Variants in KIF1A observed in about 807,000 individuals in gnomAD.
KIF1A encodes the protein kinesin family member 1A.
In KIF1A, 46 loss-of-function variants were observed where a neutral mutation model predicts 227.3. The observed-to-expected ratio is 0.20, with a 90% confidence interval of 0.16 to 0.26. The LOEUF is 0.26. Ranked by LOEUF, KIF1A falls within the 10% of genes least tolerant of loss-of-function variation. The probability of loss-of-function intolerance (pLI) is 1.00; values close to 1 mark genes in which losing one functional copy is unlikely to be tolerated. For synonymous variants in KIF1A, 1,022 were observed against 1,012.8 expected (o/e 1.01, Z -0.17); for missense variants, 1,683 against 2,485.9 (o/e 0.68, Z 6.87).
intron 45 of KIF1A, 79 bp downstream of exon 45, chr2:240,720,835 C>G: frequency 1.4e-6 from 2 of 1,464,694 alleles, no homozygotes; most frequent in South Asian, 2.8e-5. Flanking sequence ...GTTCTGTGCT[C>G]TCTGTGCCCG....
At chr2:240,797,514 C>T (rs2056534056) in intron 2 of KIF1A, 133 bp downstream of exon 2, 4 of 647,740 alleles carry the variant, frequency 6.2e-6, no homozygotes, top group Non-Finnish European at 1.1e-5. Context: ...CCCAGGACAC[C>T]CACACGCCAC....
chr2:240,802,115 C>G (rs1215608043), intron 1 of KIF1A, among the ~76,000 whole-genome samples: 1 of 140,606 alleles, frequency 7.1e-6, no homozygotes, highest in South Asian at 2.2e-4. Flanking sequence ...AAAAAAAAAG[C>G]ATGTAACCTT....
intron 7 of KIF1A, among the ~76,000 whole-genome samples, chr2:240,784,276 G>A (rs138665225): frequency 2.0e-5 from 3 of 152,268 alleles, no homozygotes; most frequent in East Asian, 3.9e-4. Flanking sequence ...CCCAACAGGG[G>A]CACCCGCAGT....
At chr2:240,737,284 G>A (rs553410679) in intron 37 of KIF1A, 116 bp from the exon 38 acceptor site, 96 of 795,032 alleles carry the variant, frequency 1.2e-4, no homozygotes, top group East Asian at 1.0e-3. Context: ...TCACTAGAGC[G>A]TCTGTCAAAG....
Position 240,757,480 on chromosome 2 carries a change from C to T in KIF1A, c.2697G>A (p.Glu899=), listed in dbSNP as rs2049996748. The T allele has an allele frequency of 3.2e-6, 5 of 1,550,476 alleles. No homozygotes were observed. The highest frequency in any genetic ancestry group is 4.4e-6 in the Non-Finnish European group (5 of 1,146,990). ...TFSSPDSDAT[E]PAEEQSVGEE... ...CCCCCACGCTCTGCTCCTCGGCAGG[C>T]TCGGTGGCGTCGGAGTCGGGGCTCG... is the stretch of plus-strand genomic sequence containing the variant. Residue 899 remains glutamate (E), a synonymous_variant, in exon 27 of 49, where the codon GAG becomes GAA. Coordinates refer to ENST00000498729, the MANE Select transcript of KIF1A (RefSeq NM_001244008.2). This position sits in a 1 kb window ranked among gnomAD's most constrained non-coding sequence, Gnocchi z 6.2.
At position 240,790,136 on chromosome 2, in the gene KIF1A, G is replaced by A. The variant is rs2126103904; in HGVS notation, c.107-824C>T. Among the ~76,000 whole-genome samples the A allele has an allele frequency of 6.6e-6, 1 of 152,232 alleles. No homozygotes were observed. Among genetic ancestry groups the A allele is most frequent in the East Asian group, 1.9e-4 (1 of 5,140 alleles). On this transcript the variant is annotated intron_variant, in intron 2 of 48. Coordinates refer to ENST00000498729, the MANE Select transcript of KIF1A (RefSeq NM_001244008.2). This position sits in a 1 kb window ranked among gnomAD's most constrained non-coding sequence, Gnocchi z 5.0. ...ATTTCCCAGGCCCTGGACGGGCCTG[G>A]ACCCTGCAGACTGCATGTCCTCAGT...
At chr2:240,755,530 G>A (rs868599871) in intron 27 of KIF1A, among the ~76,000 whole-genome samples, 2 of 152,302 alleles carry the variant, frequency 1.3e-5, no homozygotes, top group South Asian at 2.1e-4. Context: ...GCCTTCCCAG[G>A]GCCGGGCCTG....
Position 240,785,097 on chromosome 2 carries a change from G to A in KIF1A, c.612C>T (p.Thr204=), listed in dbSNP as rs779712561. The part of the protein sequence containing the change: ...DLMDSGNKAR[T]VAATNMNETS... ...TCTCATTCATGTTGGTGGCCGCCAC[G>A]GTCCTGAGGAGCAGAAAGCCACGCA... The change falls in exon 7 of 49, where the codon ACC becomes ACT. Residue 204 remains threonine (T), a synonymous_variant. Coordinates refer to ENST00000498729, the MANE Select transcript of KIF1A (RefSeq NM_001244008.2). 12 of 1,611,992 alleles carry A rather than the reference G, an allele frequency of 7.4e-6. No individual in the cohort carries two copies. The African/African-American group carries it at 8.0e-5, about 11-fold the overall frequency.
rs1380876497 is a variant in KIF1A, at chr2:240,740,163, G to A, written c.3817-21C>T. 1.3e-6 allele frequency: 2 copies of A among 1,587,038 alleles called. No homozygotes were observed. Among genetic ancestry groups the A allele is most frequent in the African/African-American group, 1.3e-5 (1 of 74,416 alleles). ...ATGCCCTGCCGGTGCCAGGTGAGAG[G>A]ATATGGTCAGACGGCTCAGGGGGCT... is the stretch of plus-strand genomic sequence containing the variant. On this transcript the variant is annotated intron_variant, in intron 36 of 48. Transcript: ENST00000498729. This position sits in a 1 kb window ranked among gnomAD's most constrained non-coding sequence, Gnocchi z 6.1.
At chr2:240,798,053 A>G (rs751448657) in intron 1 of KIF1A, 1 of 291,360 alleles carries the variant, frequency 3.4e-6, no homozygotes, top group Non-Finnish European at 6.4e-6. Flanking sequence ...AACAAAAGAA[A>G]CAGAAACACA....
chr2:240,781,469 A>T (rs1575620965), intron 10 of KIF1A, among the ~76,000 whole-genome samples: 2 of 115,070 alleles, frequency 1.7e-5, no homozygotes, highest in Admixed American at 1.6e-4. Flanking sequence ...AGCTCCACAC[A>T]CACACACACA....
chr2:240,761,969 G>C (rs969502064), intron 23 of KIF1A, among the ~76,000 whole-genome samples: 1 of 152,192 alleles, frequency 6.6e-6, no homozygotes, highest in Admixed American at 6.5e-5. Context: ...CTGGGCCCTT[G>C]AGAGAAGGAC....
chr2:240,730,882 C>T (rs1214064776), intron 38 of KIF1A, among the ~76,000 whole-genome samples: 4 of 152,180 alleles, frequency 2.6e-5, no homozygotes, highest in Non-Finnish European at 5.9e-5. Flanking sequence ...CTGGGCCAGG[C>T]ACCCCTGAGG....
At position 240,732,333 on chromosome 2, in the gene KIF1A, G is replaced by A. The variant is rs116100686; in HGVS notation, c.4007+4730C>T. On this transcript the variant is annotated intron_variant, in intron 38 of 48. Coordinates refer to ENST00000498729, the MANE Select transcript of KIF1A (RefSeq NM_001244008.2). ...GAGGAGGGGATGAGGAAATGAGGGG[G>A]TGAAGGAGTGAGGGAGAGAGGGGAG... Among the ~76,000 whole-genome samples, 1,136 of 139,616 alleles carry A rather than the reference G, an allele frequency of 8.1e-3. 16 individuals carry two copies. The highest frequency in any genetic ancestry group is 0.03 in the African/African-American group (1,079 of 36,134). 91.6% of individuals were successfully genotyped at this position (139,616 alleles called of 152,430 possible).
chr2:240,778,548 T>G lies in KIF1A; in HGVS notation c.883-2622A>C, dbSNP rs1165630292. 2.2e-5 allele frequency among the ~76,000 whole-genome samples: 2 copies of G among 90,506 alleles called. No homozygotes were observed. Among genetic ancestry groups the G allele is most frequent in the African/African-American group, 6.2e-5 (1 of 16,142 alleles). The allele number at this position is 90,506 out of a possible 152,430, so 59.4% of individuals were successfully genotyped here. On this transcript the variant is annotated intron_variant, in intron 10 of 48. Transcript: ENST00000498729. The surrounding 1 kb of genome is among the most constrained non-coding windows in gnomAD (Gnocchi z 7.2). ...CACACACACACACACACACACAGGCTTCTCAGTGTCCCACGGGCCTCACAG... is the reference window on the plus strand; with the variant it reads ...CACACACACACACACACACACAGGCGTCTCAGTGTCCCACGGGCCTCACAG...
At chr2:240,780,883 T>C (rs1187083468) in intron 10 of KIF1A, among the ~76,000 whole-genome samples, 1 of 24,078 alleles carries the variant, frequency 4.2e-5, no homozygotes, top group African/African-American at 3.2e-4. Flanking sequence ...CACACACAGC[T>C]CCACACACAC....
In KIF1A at chr2:240,797,628, T is replaced by C. The variant is rs1281444133; in HGVS notation, c.106+19A>G. The stretch of plus-strand genomic sequence containing the variant: ...AGCAACCCATGGCCGACCCCGATGC[T>C]GTGCAGGCTGATACTCACTGGTGGT... On this transcript the variant is annotated intron_variant, in intron 2 of 48. Transcript: ENST00000498729. 1.3e-6 allele frequency: 2 copies of C among 1,561,482 alleles called. No individual in the cohort carries two copies. The highest frequency in any genetic ancestry group is 3.4e-5 in the Admixed American group (2 of 59,522).
intron 45 of KIF1A, 85 bp downstream of exon 45, chr2:240,720,829 T>C (rs995077722): frequency 6.9e-7 from 1 of 1,451,168 alleles, no homozygotes; most frequent in Non-Finnish European, 9.2e-7. Context: ...CCCCCTGTTC[T>C]GTGCTCTCTG....
chr2:240,729,003 T>C (rs1306036506), intron 38 of KIF1A, among the ~76,000 whole-genome samples: 1 of 152,144 alleles, frequency 6.6e-6, no homozygotes, highest in Non-Finnish European at 1.5e-5. Flanking sequence ...CACTATCTGG[T>C]ACACGTCAGC....
Sources: gnomAD v4.1 joint callset for allele counts (sites outside exome capture counted in the v4.1 genomes callset) on GRCh38, gnomAD v4.1.1 for gene constraint, Gnocchi (gnomAD v3.1) non-coding constraint, MANE v1.5 for transcripts, NCBI Gene and HGNC (gene_info 2026-07-23, HGNC 2026-07-21) for gene names.